Variants in SLC35F3 observed in about 807,000 individuals in gnomAD.
The protein encoded by SLC35F3 is solute carrier family 35 member F3.
A neutral mutation model predicts 49.9 loss-of-function variants in SLC35F3; 25 were observed. The observed-to-expected ratio is 0.50, with a 90% CI of 0.37 to 0.70. The LOEUF (loss-of-function observed/expected upper bound fraction) is 0.70. Among genes scored for constraint, SLC35F3 ranks in the 30% least tolerant of loss-of-function variants. The pLI is 0.00. For synonymous variants in SLC35F3, 275 were observed against 265.4 expected (o/e 1.04, Z -0.35); for missense variants, 525 against 639.8 (o/e 0.82, Z 1.94).
intron 2 of SLC35F3, among the ~76,000 whole-genome samples, chr1:234,123,656 C>T (rs1665608195): frequency 6.6e-6 from 1 of 151,502 alleles, no homozygotes; most frequent in African/African-American, 2.4e-5. Flanking sequence ...GGGCTCAAGA[C>T]AACTGCCTGC....
rs116686610 is a variant in SLC35F3, at chr1:234,241,256, G to C, written c.608+9515G>C. Among the ~76,000 whole-genome samples the C allele has an allele frequency of 3.3e-3, 504 of 152,174 alleles. 4 individuals carry two copies. The highest frequency in any genetic ancestry group is 0.011 in the African/African-American group (471 of 41,492). ...CTTTCCTGCCACATGCGGCACAGGG[G>C]TACATACAAGTGTTGTACGCACAGG... On this transcript the variant is annotated intron_variant, in intron 3 of 7. Transcript: ENST00000366618.
intron 3 of SLC35F3, among the ~76,000 whole-genome samples, chr1:234,264,571 G>A (rs1381750584): frequency 1.3e-5 from 2 of 152,124 alleles, no homozygotes; most frequent in Non-Finnish European, 2.9e-5. Flanking sequence ...CGTTGATAGA[G>A]GATCTTGCTC....
intron 2 of SLC35F3, among the ~76,000 whole-genome samples, chr1:234,127,736 G>A (rs1253583710): frequency 6.6e-6 from 1 of 151,902 alleles, no homozygotes; most frequent in Non-Finnish European, 1.5e-5. Context: ...GATTTTCTTT[G>A]AAGGAAATAA....
chr1:233,959,433 A>AG (rs1460248815), intron 2 of SLC35F3, among the ~76,000 whole-genome samples: 6 of 152,186 alleles, frequency 3.9e-5, no homozygotes, highest in Non-Finnish European at 2.9e-5. Context: ...CTCCAAGCCC[A>AG]GGGGAAAAGC....
At chr1:234,244,119 A>G (rs998787568) in intron 3 of SLC35F3, among the ~76,000 whole-genome samples, 1 of 152,088 alleles carries the variant, frequency 6.6e-6, no homozygotes, top group African/African-American at 2.4e-5. Context: ...TATGATCTCC[A>G]TCTCTCCCCA....
intron 3 of SLC35F3, among the ~76,000 whole-genome samples, chr1:234,232,921 T>G (rs557973094): frequency 6.6e-6 from 1 of 152,238 alleles, no homozygotes; most frequent in Non-Finnish European, 1.5e-5. Flanking sequence ...TTCTGGCTCC[T>G]TTAAAATACC....
chr1:234,230,506 A>G (rs780290530), intron 2 of SLC35F3, among the ~76,000 whole-genome samples: 1 of 152,224 alleles, frequency 6.6e-6, no homozygotes, highest in African/African-American at 2.4e-5. Context: ...GGAAATTTGC[A>G]TCCATCCGTA....
intron 2 of SLC35F3, among the ~76,000 whole-genome samples, chr1:234,131,978 G>A (rs1244608004): frequency 6.6e-6 from 1 of 152,174 alleles, no homozygotes; most frequent in African/African-American, 2.4e-5. Context: ...GTGGAGTGGA[G>A]GAGAGGCTGT....
intron 2 of SLC35F3, among the ~76,000 whole-genome samples, chr1:233,973,716 A>G (rs1167455655): frequency 6.6e-6 from 1 of 152,232 alleles, no homozygotes; most frequent in Non-Finnish European, 1.5e-5. Flanking sequence ...GAGGTGTGGA[A>G]AAAAAGCACA....
At chr1:234,311,917 TA>T (rs758768815) in intron 4 of SLC35F3, among the ~76,000 whole-genome samples, 2 of 152,358 alleles carry the variant, frequency 1.3e-5, no homozygotes, top group East Asian at 1.9e-4. Context: ...GAGCCTCTGT[TA>T]AATGGAGAGA....
chr1:233,915,146 C>G (rs1661947104), intron 2 of SLC35F3, among the ~76,000 whole-genome samples: 1 of 152,170 alleles, frequency 6.6e-6, no homozygotes, highest in Non-Finnish European at 1.5e-5. Flanking sequence ...AAATTTTCTC[C>G]TTGTCAATCT....
intron 3 of SLC35F3, among the ~76,000 whole-genome samples, chr1:234,234,607 A>T (rs536118185): frequency 1.7e-3 from 253 of 151,620 alleles, no homozygotes; most frequent in Middle Eastern, 0.014. Context: ...TTTTTTTTTT[A>T]AATGCTGCTG....
rs185090804 is a variant in SLC35F3 at position 233,977,784 on chromosome 1, G to A, written c.283+72026G>A. On this transcript the variant is annotated intron_variant, in intron 2 of 7. Coordinates refer to ENST00000366618, the MANE Select transcript of SLC35F3 (RefSeq NM_173508.4). ...CATAGTATTGCAGGTGCTGCTCTGC[G>A]CTCAAGATGCAGATACAAGTCTTAT... is the stretch of plus-strand genomic sequence containing the variant. 3.4e-4 allele frequency among the ~76,000 whole-genome samples: 52 copies of A among 152,228 alleles called. No homozygotes were observed. The South Asian group carries it at 9.1e-3, about 27-fold the overall frequency.
intron 2 of SLC35F3, among the ~76,000 whole-genome samples, chr1:234,006,553 T>C (rs1226935267): frequency 2.0e-5 from 3 of 152,228 alleles, no homozygotes; most frequent in Non-Finnish European, 4.4e-5. Context: ...CTGTATTCCA[T>C]GTGTGATACT....
At chr1:233,961,455 C>CTTTTTTTTTT (rs35494872) in intron 2 of SLC35F3, among the ~76,000 whole-genome samples, 1 of 130,458 alleles carries the variant, frequency 7.7e-6, no homozygotes, top group East Asian at 2.3e-4. Flanking sequence ...TTTTTCCTCT[C>CTTTTTTTTTT]TTTTTTTTTT....
chr1:234,084,068 A>G (rs1249208448), intron 2 of SLC35F3, among the ~76,000 whole-genome samples: 1 of 151,834 alleles, frequency 6.6e-6, no homozygotes, highest in Non-Finnish European at 1.5e-5. Context: ...TGAACTCCCA[A>G]CCTCAGGTGA....
rs561314999 is a variant in SLC35F3 at position 234,231,556 on chromosome 1, C to T, written c.423C>T (p.Val141=). ...QLKKIFWGVA[V]VLCVCSSWAG... Reference sequence around the variant, plus strand: ...AGAAGATCTTCTGGGGCGTGGCGGTCGTGCTGTGCGTGTGCTCCTCGTGGG... The same window carrying T: ...AGAAGATCTTCTGGGGCGTGGCGGTTGTGCTGTGCGTGTGCTCCTCGTGGG... Residue 141 remains valine, a synonymous_variant, in exon 3 of 8, where the codon GTC becomes GTT. Coordinates refer to ENST00000366618, the MANE Select transcript of SLC35F3 (RefSeq NM_173508.4). This position sits in a 1 kb window ranked among gnomAD's most constrained non-coding sequence, Gnocchi z 5.4. The T allele has an allele frequency of 1.2e-6, 2 of 1,614,106 alleles. No individual in the cohort carries two copies. Among genetic ancestry groups the T allele is most frequent in the East Asian group, 2.2e-5 (1 of 44,868 alleles).
chr1:234,321,908 C>T (rs538421052), intron 7 of SLC35F3, among the ~76,000 whole-genome samples: 17 of 152,106 alleles, frequency 1.1e-4, no homozygotes, highest in South Asian at 8.3e-4. Context: ...AGGCCAGGCA[C>T]GGGAGCTCAC....
chr1:233,915,093 C>G (rs1417857972), intron 2 of SLC35F3, among the ~76,000 whole-genome samples: 1 of 152,208 alleles, frequency 6.6e-6, no homozygotes, highest in African/African-American at 2.4e-5. Flanking sequence ...TGCAACTGCT[C>G]AGAACAGTTT....
Sources: allele counts gnomAD v4.1 joint callset (sites outside exome capture counted in the v4.1 genomes callset), GRCh38; gene constraint gnomAD v4.1.1; non-coding constraint Gnocchi (gnomAD v3.1); transcripts MANE v1.5; gene names NCBI Gene and HGNC (gene_info 2026-07-23, HGNC 2026-07-21).